Variants in EPHB1 observed in about 807,000 individuals in gnomAD.
EPHB1 encodes ephrin type-B receptor 1.
Under a neutral mutation model 94.4 loss-of-function variants are expected in EPHB1, and 30 were observed. The observed-to-expected ratio is 0.32, with a 90% CI of 0.24 to 0.43. The LOEUF is 0.43. Among genes scored for constraint, EPHB1 ranks in the 20% least tolerant of loss-of-function variants. The pLI is 1.00. For synonymous variants in EPHB1, 522 were observed against 489.1 expected, an observed-to-expected ratio of 1.07 and a Z score of -0.89; for missense variants, 1,055 against 1,308.3, an observed-to-expected ratio of 0.81 and a Z score of 2.99.
chr3:134,953,507 G>T (rs1578226097), intron 3 of EPHB1, among the ~76,000 whole-genome samples: 1 of 152,246 alleles, frequency 6.6e-6, no homozygotes, highest in Non-Finnish European at 1.5e-5. Flanking sequence ...TTGTCCCATT[G>T]GTTGGGATGG....
chr3:134,877,595 T>A (rs1197418247), intron 1 of EPHB1, among the ~76,000 whole-genome samples: 2 of 152,166 alleles, frequency 1.3e-5, no homozygotes, highest in South Asian at 4.1e-4. Flanking sequence ...ACAAGAAAAT[T>A]GTTACTGACA....
chr3:135,189,025 T>C (rs2107708535), intron 10 of EPHB1, among the ~76,000 whole-genome samples: 1 of 152,346 alleles, frequency 6.6e-6, no homozygotes, highest in African/African-American at 2.4e-5. Flanking sequence ...CATGTTTATA[T>C]TTTATAATTT....
chr3:135,039,766 G>A (rs1048674497), intron 3 of EPHB1, among the ~76,000 whole-genome samples: 2 of 152,204 alleles, frequency 1.3e-5, no homozygotes, highest in African/African-American at 4.8e-5. Context: ...ACTCAAGCTG[G>A]CCCGCAAGCG....
rs576489023 is a variant in EPHB1, at chr3:135,186,491, T to C, written c.1883-6085T>C. Among the ~76,000 whole-genome samples the C allele has an allele frequency of 2.4e-3, 368 of 152,356 alleles. 6 individuals carry two copies. The highest frequency in any genetic ancestry group is 8.3e-3 in the African/African-American group (346 of 41,578). On this transcript the variant is annotated intron_variant, in intron 10 of 15. Transcript: ENST00000398015. Reference sequence around the variant, plus strand: ...TTTAAAACCTAGTTTAAATGTATTCTTTAAAAATTCCATTTCTGGTGTAAG... The same window carrying C: ...TTTAAAACCTAGTTTAAATGTATTCCTTAAAAATTCCATTTCTGGTGTAAG...
At chr3:135,257,550 C>T (rs143322006) in intron 15 of EPHB1, among the ~76,000 whole-genome samples, 8,265 of 152,042 alleles carry the variant, frequency 0.054, 322 homozygotes, top group Middle Eastern at 0.11. Flanking sequence ...GGTCAGGGAC[C>T]CACCTGAGGA....
At chr3:135,164,712 G>A (rs1472566058) in intron 7 of EPHB1, among the ~76,000 whole-genome samples, 1 of 148,936 alleles carries the variant, frequency 6.7e-6, no homozygotes, top group Non-Finnish European at 1.5e-5. Context: ...GGGAGGCTGA[G>A]ACATTAGAAT....
chr3:134,883,590 T>A (rs2037805367), intron 1 of EPHB1, among the ~76,000 whole-genome samples: 2 of 152,228 alleles, frequency 1.3e-5, no homozygotes, highest in Non-Finnish European at 2.9e-5. Context: ...TAAGTTGTGT[T>A]TTTTTGAAGG....
intron 6 of EPHB1, among the ~76,000 whole-genome samples, chr3:135,160,098 T>C (rs1457450723): frequency 6.6e-6 from 1 of 152,182 alleles, no homozygotes; most frequent in Non-Finnish European, 1.5e-5. Flanking sequence ...TCAACACTGC[T>C]GTCATCTTCT....
At chr3:135,006,475 T>G (rs1254022903) in intron 3 of EPHB1, among the ~76,000 whole-genome samples, 1 of 152,190 alleles carries the variant, frequency 6.6e-6, no homozygotes, top group Non-Finnish European at 1.5e-5. Flanking sequence ...ATGATAAATA[T>G]TTAGTTACAG....
In EPHB1 at chr3:135,088,040, A is replaced by AT. The variant is rs200288695; in HGVS notation, c.806-18399dup. 1.9e-3 allele frequency among the ~76,000 whole-genome samples: 291 copies of AT among 151,578 alleles called. 4 individuals are homozygous for AT. The highest frequency in any genetic ancestry group is 6.8e-3 in the African/African-American group (279 of 41,306). ...CCAGCATATGACATAGACCATACTT[A>AT]TTTTTTTTTCTCTTCCTTTAGAGGC... On this transcript the variant is annotated intron_variant, in intron 3 of 15. Coordinates refer to ENST00000398015, the MANE Select transcript of EPHB1 (RefSeq NM_004441.5).
chr3:134,858,814 G>C (rs760622638), intron 1 of EPHB1, among the ~76,000 whole-genome samples: 1 of 152,216 alleles, frequency 6.6e-6, no homozygotes, highest in East Asian at 1.9e-4. Context: ...TTTCCAGCCA[G>C]GACAGCCCCA....
intron 3 of EPHB1, among the ~76,000 whole-genome samples, chr3:135,020,523 C>A (rs765869238): frequency 3.3e-5 from 5 of 152,280 alleles, no homozygotes; most frequent in Admixed American, 6.5e-5. Flanking sequence ...TGGAATCATG[C>A]GCTATATGGC....
chr3:135,048,259 C>CTTTT lies in EPHB1; in HGVS notation c.806-58169_806-58166dup, dbSNP rs34135757. Among the ~76,000 whole-genome samples, 52 of 55,200 alleles carry CTTTT rather than the reference C, an allele frequency of 9.4e-4. 1 individual carries two copies. Among genetic ancestry groups the CTTTT allele is most frequent in the East Asian group, 2.5e-3 (4 of 1,584 alleles). 36.2% of individuals were successfully genotyped at this position (55,200 alleles called of 152,430 possible). A position where few individuals can be genotyped will look rare whatever the true frequency, so the allele number is the denominator to read the frequency against. On this transcript the variant is annotated intron_variant, in intron 3 of 15. Coordinates refer to ENST00000398015, the MANE Select transcript of EPHB1 (RefSeq NM_004441.5). The stretch of plus-strand genomic sequence containing the variant: ...TTTTCTTTTTCTTTCTTTCTTTTTT[C>CTTTT]TTTTTTTTTTTTTTTTTTTTTTTGA...
intron 12 of EPHB1, among the ~76,000 whole-genome samples, chr3:135,208,299 G>T (rs902729526): frequency 7.1e-5 from 5 of 70,830 alleles, no homozygotes; most frequent in Non-Finnish European, 1.2e-4. Context: ...ACGTGTGTGT[G>T]TGTGTGTGTG....
At chr3:134,970,758 C>G (rs970080172) in intron 3 of EPHB1, among the ~76,000 whole-genome samples, 1 of 152,188 alleles carries the variant, frequency 6.6e-6, no homozygotes, top group South Asian at 2.1e-4. Flanking sequence ...CAGCAGCTAT[C>G]AGATGCGAGC....
intron 14 of EPHB1, 27 bp from the exon 15 acceptor site, chr3:135,249,309 G>A (rs1464326841): frequency 1.1e-5 from 17 of 1,595,348 alleles, no homozygotes; most frequent in Non-Finnish European, 1.5e-5. Flanking sequence ...GCAATGTGTG[G>A]TCACCTGCCC....
chr3:135,053,375 A>T (rs977603686), intron 3 of EPHB1, among the ~76,000 whole-genome samples: 2 of 152,110 alleles, frequency 1.3e-5, no homozygotes, highest in African/African-American at 2.4e-5. Context: ...GCAGTTACTC[A>T]ATAAGTTAAA....
chr3:135,108,199 G>C (rs888116075), intron 4 of EPHB1, among the ~76,000 whole-genome samples: 28 of 152,158 alleles, frequency 1.8e-4, no homozygotes, highest in African/African-American at 6.3e-4. Context: ...ACTTTAAATG[G>C]ATTATATCAG....
chr3:135,013,249 A>G (rs1469659083), intron 3 of EPHB1, among the ~76,000 whole-genome samples: 1 of 152,198 alleles, frequency 6.6e-6, no homozygotes, highest in Non-Finnish European at 1.5e-5. Flanking sequence ...CCTTAGTAAC[A>G]GGAATATCGG....
Sources: allele counts gnomAD v4.1 joint callset (sites outside exome capture counted in the v4.1 genomes callset), GRCh38; gene constraint gnomAD v4.1.1; transcripts MANE v1.5; gene names NCBI Gene and HGNC (gene_info 2026-07-23, HGNC 2026-07-21).